The following HERC3 variants were observed in gnomAD, a reference collection of about 807,000 sequenced individuals.
HERC3 encodes the protein HECT and RLD domain containing E3 ubiquitin protein ligase 3, also known as probable E3 ubiquitin-protein ligase HERC3.
In HERC3, 58 loss-of-function variants were observed where a neutral mutation model predicts 129.9. The ratio of observed to expected loss-of-function variants is 0.45; its 90% CI spans 0.36 to 0.56. The LOEUF (loss-of-function observed/expected upper bound fraction) is 0.56, where lower values mean the gene tolerates loss of function less well. Among genes scored for constraint, HERC3 ranks in the 20% least tolerant of loss-of-function variants. HERC3 has a pLI of 0.00. For synonymous variants in HERC3, 430 were observed against 451.0 expected (o/e 0.95, Z 0.59); for missense variants, 835 against 1,244.2 (o/e 0.67, Z 4.95).
intron 2 of HERC3, among the ~76,000 whole-genome samples, chr4:88,601,302 A>T (rs1254590550): frequency 6.6e-5 from 10 of 152,386 alleles, no homozygotes; most frequent in Admixed American, 5.2e-4. Flanking sequence ...AAATTGGTAT[A>T]TACCAATTAA....
the HERC3 span, among the ~76,000 whole-genome samples, chr4:88,577,719 C>G: frequency 6.7e-6 from 1 of 149,324 alleles, no homozygotes; most frequent in Non-Finnish European, 1.5e-5. Flanking sequence ...TTTTCTGTCT[C>G]CATAAACAGA....
chr4:88,618,536 T>C lies in HERC3; in HGVS notation c.226+12487T>C, dbSNP rs115153810. Among the ~76,000 whole-genome samples, 1,022 of 152,318 alleles carry C rather than the reference T, an allele frequency of 6.7e-3. 12 individuals are homozygous for C. The highest frequency in any genetic ancestry group is 0.023 in the African/African-American group (973 of 41,560). ...GAACTCATCTTTGGTCAAGGATTTG[T>C]AAAGAGCTGGTTTTTTTATTTCTGA... On this transcript the variant is annotated intron_variant, in intron 3 of 25. Transcript: ENST00000402738.
the HERC3 span, among the ~76,000 whole-genome samples, chr4:88,543,645 G>T: frequency 2.2e-3 from 336 of 152,274 alleles, 2 homozygotes; most frequent in African/African-American, 7.8e-3. Flanking sequence ...TAAGCCAAAA[G>T]AACAAAGCTG....
chr4:88,706,268 CT>C (rs1417225561), intron 25 of HERC3, among the ~76,000 whole-genome samples: 3 of 152,226 alleles, frequency 2.0e-5, no homozygotes, highest in African/African-American at 7.2e-5. Flanking sequence ...CCCTCTCTCT[CT>C]TTTGCCAAGT....
chr4:88,559,456 A>G, the HERC3 span, among the ~76,000 whole-genome samples: 60,584 of 152,004 alleles, frequency 0.4, 14,550 homozygotes, highest in African/African-American at 0.68. Context: ...ACCCTCCCTG[A>G]TAACCACTGT....
At chr4:88,669,438 T>G (rs1465924848) in intron 14 of HERC3, among the ~76,000 whole-genome samples, 1 of 152,206 alleles carries the variant, frequency 6.6e-6, no homozygotes, top group African/African-American at 2.4e-5. Flanking sequence ...GTTGCCATAT[T>G]GGTGCTGCTT....
At chr4:88,533,734 A>G in the HERC3 span, among the ~76,000 whole-genome samples, 2 of 152,216 alleles carry the variant, frequency 1.3e-5, no homozygotes. Flanking sequence ...CTAGGCCTCA[A>G]TGATTTAAAG....
Position 88,662,443 on chromosome 4 carries a change from G to A in HERC3, c.1159G>A (p.Ala387Thr). ...LCSKYENYSP[A>T]VDFRTMNQAH... ...TTTAATTCTCCAGAATTATTCTCCT[G>A]CTGTTGACTTCAGGACTATGAACCA... The change falls in exon 11 of 26, where the codon GCT (alanine) becomes ACT (threonine). Residue 387 changes from alanine (A) to threonine (T), a missense_variant. Coordinates refer to ENST00000402738, the MANE Select transcript of HERC3 (RefSeq NM_014606.3). The A allele has an allele frequency of 6.2e-7, 1 of 1,609,104 alleles. No individual in the cohort carries two copies. The highest frequency in any genetic ancestry group is 8.5e-7 in the Non-Finnish European group (1 of 1,178,506).
intron 3 of HERC3, among the ~76,000 whole-genome samples, chr4:88,646,222 C>T (rs1728674881): frequency 6.6e-6 from 1 of 152,090 alleles, no homozygotes; most frequent in Admixed American, 6.6e-5. Flanking sequence ...TCCATCTACC[C>T]CCTAGACTCA....
the HERC3 span, among the ~76,000 whole-genome samples, chr4:88,553,097 T>C: frequency 3.3e-5 from 5 of 152,202 alleles, no homozygotes; most frequent in Admixed American, 6.5e-5. Flanking sequence ...CTGAAATCTA[T>C]GAGACAGAAC....
rs1181570318 is a variant in HERC3 at position 88,605,991 on chromosome 4, C to T, written c.168C>T (p.Tyr56=). ...SVFLLEDGEV[Y]TCGLNTKGQL... ...TCCTGCTGGAAGATGGGGAAGTTTA[C>T]ACATGTGGTTTGAACACCAAGGGGC... The change falls in exon 3 of 26, where the codon TAC becomes TAT. Residue 56 remains tyrosine, a synonymous_variant. Coordinates refer to ENST00000402738, the MANE Select transcript of HERC3 (RefSeq NM_014606.3). 1 of 1,614,004 alleles carries T rather than the reference C, an allele frequency of 6.2e-7. No homozygotes were observed. The highest frequency in any genetic ancestry group is 1.3e-5 in the African/African-American group (1 of 74,892).
chr4:88,612,482 G>A (rs1380263235), intron 3 of HERC3, among the ~76,000 whole-genome samples: 1 of 152,106 alleles, frequency 6.6e-6, no homozygotes, highest in African/African-American at 2.4e-5. Context: ...AGAGGCCTGT[G>A]ATTCCCAGAA....
chr4:88,593,021 A>G (rs1247730034), intron 1 of HERC3, among the ~76,000 whole-genome samples: 1 of 150,936 alleles, frequency 6.6e-6, no homozygotes, highest in Non-Finnish European at 1.5e-5. Flanking sequence ...CCGTGCAGTG[A>G]GGGGCGCGGA....
At chr4:88,687,448 T>G (rs1733600727) in intron 23 of HERC3, 149 bp downstream of exon 23, 2 of 401,882 alleles carry the variant, frequency 5.0e-6, no homozygotes, top group Admixed American at 4.4e-5. Context: ...TTACAGATTT[T>G]AAATAATTTT....
intron 3 of HERC3, among the ~76,000 whole-genome samples, chr4:88,608,301 G>A (rs1723896142): frequency 6.6e-6 from 1 of 152,178 alleles, no homozygotes; most frequent in African/African-American, 2.4e-5. Flanking sequence ...GGTTCCTTCA[G>A]GAAGCCCGCT....
chr4:88,604,023 C>CTTTT (rs60127795), intron 2 of HERC3, among the ~76,000 whole-genome samples: 1 of 145,104 alleles, frequency 6.9e-6, no homozygotes, highest in Non-Finnish European at 1.5e-5. Context: ...ATAAAATTTA[C>CTTTT]TTTTTTTTTT....
Position 88,693,479 on chromosome 4 carries a change from A to G in HERC3, c.2657+6180A>G, listed in dbSNP as rs1413903530. ...TTCTTTCACACATAGGCTACTTTAC[A>G]TAGTCTACACAGTATTGATCTATTT... On this transcript the variant is annotated intron_variant, in intron 23 of 25. Transcript: ENST00000402738. The G allele has an allele frequency of 7.2e-6, 7 of 972,290 alleles. No homozygotes were observed. In the African/African-American group the frequency reaches 1.1e-4, roughly 15 times the overall value. The allele number at this position is 972,290 out of a possible 1,614,324, so 60.2% of individuals were successfully genotyped here. A position where few individuals can be genotyped will look rare whatever the true frequency, so the allele number is the denominator to read the frequency against.
chr4:88,532,545 C>T, the HERC3 span, among the ~76,000 whole-genome samples: 1 of 152,174 alleles, frequency 6.6e-6, no homozygotes, highest in African/African-American at 2.4e-5. Flanking sequence ...CTTCTTTACT[C>T]AACCTATAAA....
intron 11 of HERC3, among the ~76,000 whole-genome samples, chr4:88,663,893 CATT>C (rs1193859193): frequency 1.3e-5 from 2 of 152,102 alleles, no homozygotes; most frequent in Non-Finnish European, 2.9e-5. Flanking sequence ...TATTCAAGAA[CATT>C]ATTGGGACAA....
Sources: gnomAD v4.1 joint callset for allele counts (sites outside exome capture counted in the v4.1 genomes callset) on GRCh38, gnomAD v4.1.1 for gene constraint, MANE v1.5 for transcripts, NCBI Gene and HGNC (gene_info 2026-07-23, HGNC 2026-07-21) for gene names.